PPARGC1A: variants seen among roughly 807,000 people sequenced by gnomAD.
PPARGC1A encodes peroxisome proliferator-activated receptor gamma coactivator 1-alpha.
PPARGC1A carries 25 observed loss-of-function variants against 88.7 expected under a neutral mutation model. The ratio of observed to expected loss-of-function variants is 0.28; its 90% CI spans 0.21 to 0.39. PPARGC1A has a LOEUF of 0.39. Among genes scored for constraint, PPARGC1A ranks in the 10% least tolerant of loss-of-function variants. The pLI is 1.00. For synonymous variants in PPARGC1A, 363 were observed against 355.6 expected (o/e 1.02, Z -0.24); for missense variants, 880 against 968.7 (o/e 0.91, Z 1.22).
chr4:23,866,486 A>G (rs913264929), intron 2 of PPARGC1A, among the ~76,000 whole-genome samples: 1 of 152,212 alleles, frequency 6.6e-6, no homozygotes, highest in African/African-American at 2.4e-5. Flanking sequence ...AAAAATCTAT[A>G]TGAAAAAAGC....
chr4:24,087,918 G>A, the PPARGC1A span, among the ~76,000 whole-genome samples: 1 of 152,218 alleles, frequency 6.6e-6, no homozygotes, highest in East Asian at 1.9e-4. Context: ...CTGTAGAAGT[G>A]AGTGAGCAAG....
the PPARGC1A span, among the ~76,000 whole-genome samples, chr4:24,366,496 C>T: frequency 6.6e-6 from 1 of 152,246 alleles, no homozygotes; most frequent in Admixed American, 6.5e-5. Flanking sequence ...TGTTTCACTT[C>T]CTTTATCTTC....
At chr4:23,803,628 T>C (rs889352105) in intron 10 of PPARGC1A, among the ~76,000 whole-genome samples, 1 of 152,232 alleles carries the variant, frequency 6.6e-6, no homozygotes, top group Non-Finnish European at 1.5e-5. Flanking sequence ...AAAGTTATGA[T>C]GTCTCTCAAA....
At chr4:24,417,586 C>T in the PPARGC1A span, among the ~76,000 whole-genome samples, 3 of 152,054 alleles carry the variant, frequency 2.0e-5, no homozygotes, top group African/African-American at 7.2e-5. Flanking sequence ...TGTAATATTG[C>T]TTTATTATAG....
intron 1 of PPARGC1A, among the ~76,000 whole-genome samples, chr4:23,896,712 G>A (rs1385447533): frequency 1.3e-5 from 2 of 152,200 alleles, no homozygotes; most frequent in East Asian, 3.9e-4. Flanking sequence ...TAGCCCGGGT[G>A]GGGTTAAAGA....
chr4:23,827,855 G>A (rs2109649589), intron 5 of PPARGC1A, among the ~76,000 whole-genome samples: 1 of 152,012 alleles, frequency 6.6e-6, no homozygotes, highest in Admixed American at 6.6e-5. Context: ...AGAAGAGGAA[G>A]GGGAGAAAGC....
At chr4:24,166,761 G>A in the PPARGC1A span, among the ~76,000 whole-genome samples, 1 of 152,154 alleles carries the variant, frequency 6.6e-6, no homozygotes, top group African/African-American at 2.4e-5. Context: ...ATGGTTTACT[G>A]GATATTTTAA....
At chr4:23,802,449 G>A in intron 10 of PPARGC1A, 104 bp from the exon 11 acceptor site, 1 of 1,398,614 alleles carries the variant, frequency 7.1e-7, no homozygotes, top group Non-Finnish European at 9.9e-7. Flanking sequence ...GGAGGCCGAG[G>A]CAGGTGGATC....
At chr4:24,157,999 C>A in the PPARGC1A span, among the ~76,000 whole-genome samples, 1 of 152,154 alleles carries the variant, frequency 6.6e-6, no homozygotes, top group Non-Finnish European at 1.5e-5. Context: ...ATAAACTCTT[C>A]TTTACCAAGG....
the PPARGC1A span, among the ~76,000 whole-genome samples, chr4:24,273,939 C>T: frequency 1.3e-5 from 2 of 151,394 alleles, no homozygotes; most frequent in African/African-American, 4.9e-5. Flanking sequence ...GGTGTTTCAC[C>T]ATGTTGGCCA....
the PPARGC1A span, chr4:24,091,548 C>T: frequency 3.0e-6 from 3 of 985,262 alleles, no homozygotes; most frequent in African/African-American, 5.2e-5. Flanking sequence ...GCTGATGCTG[C>T]TTGCACAAAC....
the PPARGC1A span, among the ~76,000 whole-genome samples, chr4:24,049,178 G>A: frequency 0.013 from 1,909 of 149,656 alleles, 47 homozygotes; most frequent in African/African-American, 0.045. Context: ...GAGAAAGAGA[G>A]AGACTGTCTC....
At chr4:24,153,775 G>A in the PPARGC1A span, among the ~76,000 whole-genome samples, 2 of 152,122 alleles carry the variant, frequency 1.3e-5, no homozygotes, top group Non-Finnish European at 2.9e-5. Context: ...TCTGATTTTT[G>A]TTGGCTGGAC....
chr4:24,048,432 T>C, the PPARGC1A span, among the ~76,000 whole-genome samples: 7 of 152,186 alleles, frequency 4.6e-5, no homozygotes, highest in African/African-American at 1.7e-4. Context: ...TTTTCTTCAA[T>C]GGTCACAATG....
At chr4:24,194,614 G>T in the PPARGC1A span, among the ~76,000 whole-genome samples, 22 of 137,614 alleles carry the variant, frequency 1.6e-4, no homozygotes, top group African/African-American at 7.5e-4. Flanking sequence ...TGGCACACAC[G>T]CGCGCGCACG....
At chr4:24,459,191 T>A in the PPARGC1A span, among the ~76,000 whole-genome samples, 2 of 152,166 alleles carry the variant, frequency 1.3e-5, no homozygotes, top group Non-Finnish European at 2.9e-5. Context: ...ATTCCCTATA[T>A]GTGAAAATAT....
rs552235397 is a variant in PPARGC1A at position 23,855,496 on chromosome 4, C to T, written c.235-23745G>A. On this transcript the variant is annotated intron_variant, in intron 2 of 12. Coordinates refer to ENST00000264867, the MANE Select transcript of PPARGC1A (RefSeq NM_013261.5). ...TTGGGACAAGCAAGGACCTACTATG[C>T]TCGATGCTTCTAAAAATGCCTACTC... is the stretch of plus-strand genomic sequence containing the variant. 2.6e-5 allele frequency among the ~76,000 whole-genome samples: 4 copies of T among 152,314 alleles called. No homozygotes were observed. In the South Asian group the frequency reaches 8.3e-4, roughly 32 times the overall value.
chr4:24,391,899 T>C, the PPARGC1A span, among the ~76,000 whole-genome samples: 4 of 152,202 alleles, frequency 2.6e-5, no homozygotes, highest in East Asian at 7.7e-4. Flanking sequence ...CCGAAACAGA[T>C]ACGCTGTATA....
chr4:24,437,184 G>A, the PPARGC1A span, among the ~76,000 whole-genome samples: 6 of 152,350 alleles, frequency 3.9e-5, no homozygotes, highest in East Asian at 9.6e-4. Flanking sequence ...GACAAGGGAT[G>A]ATGAAGGACT....
Sources: allele counts gnomAD v4.1 joint callset (sites outside exome capture counted in the v4.1 genomes callset), GRCh38; gene constraint gnomAD v4.1.1; transcripts MANE v1.5; gene names NCBI Gene and HGNC (gene_info 2026-07-23, HGNC 2026-07-21).